The following GRIN2D variants were observed in gnomAD, a reference collection of about 807,000 sequenced individuals.
GRIN2D encodes the protein glutamate ionotropic receptor NMDA type subunit 2D.
In GRIN2D, 37 loss-of-function variants were observed where a neutral mutation model predicts 103.2. That is an observed-to-expected ratio of 0.36 (90% CI 0.28 to 0.47). The LOEUF (loss-of-function observed/expected upper bound fraction) is 0.47. GRIN2D is among the 20% of genes least tolerant of loss of function. The pLI, the probability that GRIN2D is intolerant of heterozygous loss-of-function variation, is 1.00. For missense variants in GRIN2D, 1,557 were observed against 1,910.6 expected, an observed-to-expected ratio of 0.81 and a Z score of 3.45; for synonymous variants, 845 against 885.6, an observed-to-expected ratio of 0.95 and a Z score of 0.81.
intron 2 of GRIN2D, among the ~76,000 whole-genome samples, chr19:48,395,405 G>A (rs1970627056): frequency 6.6e-6 from 1 of 151,662 alleles, no homozygotes; most frequent in Non-Finnish European, 1.5e-5. Flanking sequence ...AGCACCCCTC[G>A]CCCCAAGCTC....
Position 48,414,129 on chromosome 19 carries a change from G to A in GRIN2D, c.1200+24G>A, listed in dbSNP as rs766869427. The A allele has an allele frequency of 7.2e-7, 1 of 1,387,880 alleles. No homozygotes were observed. The highest frequency in any genetic ancestry group is 1.0e-6 in the Non-Finnish European group (1 of 974,808). The allele number at this position is 1,387,880 out of a possible 1,614,324, so 86.0% of individuals were successfully genotyped here. On this transcript the variant is annotated intron_variant, in intron 5 of 13. Coordinates refer to ENST00000263269, the MANE Select transcript of GRIN2D (RefSeq NM_000836.4). The surrounding 1 kb of genome is among the most constrained non-coding windows in gnomAD (Gnocchi z 4.6). ...TGGTGAGTCGTAGCCCCAGACCTCAGGCATGGCAGAGGGTGTGGACTCCTG... is the reference window on the plus strand; with the variant it reads ...TGGTGAGTCGTAGCCCCAGACCTCAAGCATGGCAGAGGGTGTGGACTCCTG...
chr19:48,441,787 C>T lies in GRIN2D; in HGVS notation c.2271C>T (p.Ile757=), dbSNP rs144676582. ...CCCCCAGGAAGCTGGACGCCTTCAT[C>T]TACGATGCTGCAGTGCTCAATTACA... ...QLKAGKLDAF[I]YDAAVLNYMA... Residue 757 remains isoleucine, a synonymous_variant, in exon 12 of 14, where the codon ATC becomes ATT. Transcript: ENST00000263269. 3,285 of 1,612,336 alleles carry T rather than the reference C, an allele frequency of 2.0e-3. 9 individuals carry two copies. The highest frequency in any genetic ancestry group is 2.5e-3 in the Non-Finnish European group (2,918 of 1,178,802).
chr19:48,402,967 G>A (rs1191355154), intron 3 of GRIN2D, among the ~76,000 whole-genome samples: 2 of 151,990 alleles, frequency 1.3e-5, no homozygotes, highest in Non-Finnish European at 2.9e-5. Context: ...GGGAAGCCGA[G>A]GCAGGCAGAT....
chr19:48,432,216 T>C (rs1276450571), intron 11 of GRIN2D, among the ~76,000 whole-genome samples: 4 of 148,140 alleles, frequency 2.7e-5, no homozygotes, highest in Non-Finnish European at 4.4e-5. Flanking sequence ...GGCCTTCTTT[T>C]TCTTTCTTTT....
chr19:48,417,331 G>A (rs1274067039), intron 8 of GRIN2D, among the ~76,000 whole-genome samples: 1 of 152,140 alleles, frequency 6.6e-6, no homozygotes, highest in Non-Finnish European at 1.5e-5. Flanking sequence ...CAGAGTGGGG[G>A]TGTGCAATAG....
chr19:48,444,071 C>A lies in GRIN2D; in HGVS notation c.*134C>A. On this transcript the variant is annotated 3_prime_UTR_variant, in exon 14 of 14. Coordinates refer to ENST00000263269, the MANE Select transcript of GRIN2D (RefSeq NM_000836.4). This position sits in a 1 kb window ranked among gnomAD's most constrained non-coding sequence, Gnocchi z 5.5. Reference sequence around the variant, plus strand: ...GGCCGGACCCCGCCTGGAGCAGCGTCCTGCGCCCCCTGGTTCTGGAGGAAC... The same window carrying A: ...GGCCGGACCCCGCCTGGAGCAGCGTACTGCGCCCCCTGGTTCTGGAGGAAC... 2.0e-6 allele frequency: 1 copy of A among 505,348 alleles called. No homozygotes were observed. Among genetic ancestry groups the A allele is most frequent in the Non-Finnish European group, 3.3e-6 (1 of 305,534 alleles). The allele number at this position is 505,348 out of a possible 1,614,324, so 31.3% of individuals were successfully genotyped here. A position where few individuals can be genotyped will look rare whatever the true frequency, so the allele number is the denominator to read the frequency against.
At chr19:48,412,312 G>A (rs1209018471) in intron 4 of GRIN2D, among the ~76,000 whole-genome samples, 1 of 149,878 alleles carries the variant, frequency 6.7e-6, no homozygotes, top group Non-Finnish European at 1.5e-5. Context: ...CTGGGCGACA[G>A]AGCGAGACTC....
intron 11 of GRIN2D, among the ~76,000 whole-genome samples, chr19:48,440,981 G>A (rs117410798): frequency 0.024 from 3,713 of 152,220 alleles, 62 homozygotes; most frequent in Non-Finnish European, 0.039. Flanking sequence ...GAGCTACCAT[G>A]GCCAGTCTCA....
At chr19:48,428,044 CTT>C (rs549084356) in intron 11 of GRIN2D, among the ~76,000 whole-genome samples, 21 of 120,510 alleles carry the variant, frequency 1.7e-4, no homozygotes, top group Non-Finnish European at 1.9e-4. Flanking sequence ...TGGCCAAGTT[CTT>C]TTTTTTTTTT....
In GRIN2D at chr19:48,442,851, C is replaced by A; in HGVS notation, c.2925C>A (p.Leu975=). The part of the protein sequence containing the change: ...YGPIEPQGLG[L]GLGEARAAPR... The stretch of plus-strand genomic sequence containing the variant: ...CCATCGAGCCGCAGGGCCTAGGCCT[C>A]GGCCTGGGCGAAGCGCGCGCGGCAC... Residue 975 remains leucine, a synonymous_variant, in exon 14 of 14, where the codon CTC becomes CTA. Transcript: ENST00000263269. This position sits in a 1 kb window ranked among gnomAD's most constrained non-coding sequence, Gnocchi z 7.2. 2 of 1,083,116 alleles carry A rather than the reference C, an allele frequency of 1.8e-6. No homozygotes were observed. 67.1% of individuals were successfully genotyped at this position (1,083,116 alleles called of 1,614,324 possible).
chr19:48,435,092 T>C (rs956408877), intron 11 of GRIN2D, among the ~76,000 whole-genome samples: 1 of 152,108 alleles, frequency 6.6e-6, no homozygotes, highest in African/African-American at 2.4e-5. Flanking sequence ...CAAAATACCA[T>C]AGACTGAGTG....
chr19:48,403,281 C>G (rs1449224688), intron 3 of GRIN2D, among the ~76,000 whole-genome samples: 1 of 150,968 alleles, frequency 6.6e-6, no homozygotes, highest in Non-Finnish European at 1.5e-5. Flanking sequence ...AGGACAGGAG[C>G]CATTAACATA....
At chr19:48,409,274 CTTTTTT>C (rs67673123) in intron 4 of GRIN2D, among the ~76,000 whole-genome samples, 2 of 103,722 alleles carry the variant, frequency 1.9e-5, no homozygotes, top group Admixed American at 1.0e-4. Context: ...AATTAAATTT[CTTTTTT>C]TTTTTTTTTT....
rs1193068356 is a variant in GRIN2D at position 48,398,712 on chromosome 19, T to C, written c.320T>C (p.Leu107Pro). The stretch of plus-strand genomic sequence containing the variant: ...CTCGTGCTGCAGCTCTGCGACCTGC[T>C]GTCGGGGTTGCGCGTGCACGGCGTG... Reference protein sequence around the residue: ...RSLVLQLCDLLSGLRVHGVVF... With the variant: ...RSLVLQLCDLPSGLRVHGVVF... Residue 107 changes from leucine to proline, a missense_variant, in exon 3 of 14, where the codon CTG becomes CCG. Coordinates refer to ENST00000263269, the MANE Select transcript of GRIN2D (RefSeq NM_000836.4). 2 of 1,468,108 alleles carry C rather than the reference T, an allele frequency of 1.4e-6. No individual in the cohort carries two copies. Among genetic ancestry groups the C allele is most frequent in the Admixed American group, 4.8e-5 (2 of 41,428 alleles). 90.9% of individuals were successfully genotyped at this position (1,468,108 alleles called of 1,614,324 possible). A position where few individuals can be genotyped will look rare whatever the true frequency, so the allele number is the denominator to read the frequency against.
Position 48,444,601 on chromosome 19 carries a change from C to T in GRIN2D, c.*664C>T, listed in dbSNP as rs1432667472. 1.3e-5 allele frequency: 2 copies of T among 152,532 alleles called. No homozygotes were observed. The highest frequency in any genetic ancestry group is 2.9e-5 in the Non-Finnish European group (2 of 68,234). 9.4% of individuals were successfully genotyped at this position (152,532 alleles called of 1,614,324 possible). On this transcript the variant is annotated 3_prime_UTR_variant, in exon 14 of 14. Transcript: ENST00000263269. The surrounding 1 kb of genome is among the most constrained non-coding windows in gnomAD (Gnocchi z 5.5). ...CTCGGTCGCTTTTCCCTACTCTGAC[C>T]TAGGACACGTCCCCAACGGAAGCCC...
rs1230124048 is a variant in GRIN2D, at chr19:48,442,326, C to G, written c.2617C>G (p.Leu873Val). 2.1e-5 allele frequency: 34 copies of G among 1,613,750 alleles called. No homozygotes were observed. Among genetic ancestry groups the G allele is most frequent in the Non-Finnish European group, 2.8e-5 (33 of 1,180,024 alleles). Residue 873 changes from leucine to valine, a missense_variant, in exon 13 of 14, where the codon CTG becomes GTG. By Grantham distance (32) the Leu-to-Val change is conservative. Transcript: ENST00000263269. The surrounding 1 kb of genome is among the most constrained non-coding windows in gnomAD (Gnocchi z 7.2). ...FAWEHLVYWR[L>V]RHCLGPTHRM... ...CTGGGAGCACCTGGTGTACTGGCGCCTGCGGCACTGCCTGGGGCCCACCCA... is the reference window on the plus strand; with the variant it reads ...CTGGGAGCACCTGGTGTACTGGCGCGTGCGGCACTGCCTGGGGCCCACCCA...
intron 11 of GRIN2D, among the ~76,000 whole-genome samples, chr19:48,436,803 C>T (rs1019752202): frequency 2.6e-5 from 4 of 152,080 alleles, no homozygotes; most frequent in South Asian, 2.1e-4. Flanking sequence ...GGGGCAGGAG[C>T]GAGCTGGAGA....
rs146214660 is a variant in GRIN2D, at chr19:48,416,032, G to A, written c.1612G>A (p.Gly538Ser). ...VFYQRADMAIGSLTINEERSE... is the reference protein window; with the variant it reads ...VFYQRADMAISSLTINEERSE... ...CTACCAGCGCGCAGACATGGCCATC[G>A]GCTCCCTCACCATCAACGAGGAGCG... Residue 538 changes from glycine (G) to serine (S), a missense_variant, in exon 8 of 14, where the codon GGC becomes AGC. Coordinates refer to ENST00000263269, the MANE Select transcript of GRIN2D (RefSeq NM_000836.4). The A allele has an allele frequency of 6.2e-7, 1 of 1,613,644 alleles. No homozygotes were observed. The highest frequency in any genetic ancestry group is 1.3e-5 in the African/African-American group (1 of 74,844).
intron 3 of GRIN2D, among the ~76,000 whole-genome samples, chr19:48,399,251 C>T (rs1219188852): frequency 1.3e-5 from 2 of 152,160 alleles, no homozygotes; most frequent in African/African-American, 4.8e-5. Context: ...GACCTAGGAT[C>T]AGCACAGGAA....
Sources: gnomAD v4.1 joint callset for allele counts (sites outside exome capture counted in the v4.1 genomes callset) on GRCh38, gnomAD v4.1.1 for gene constraint, Gnocchi (gnomAD v3.1) non-coding constraint, MANE v1.5 for transcripts, NCBI Gene and HGNC (gene_info 2026-07-23, HGNC 2026-07-21) for gene names.